NPR3: variants seen among roughly 807,000 people sequenced by gnomAD.
NPR3 encodes the protein natriuretic peptide receptor 3.
NPR3 carries 34 observed loss-of-function variants against 54.5 expected under a neutral mutation model. That is an observed-to-expected ratio of 0.62 (90% confidence interval 0.47 to 0.83). The LOEUF is 0.83. Ranked by LOEUF, NPR3 falls within the 40% of genes least tolerant of loss-of-function variation. The pLI, the probability that NPR3 is intolerant of heterozygous loss-of-function variation, is 0.00. For missense variants in NPR3, 674 were observed against 720.8 expected (o/e 0.94, Z 0.74); for synonymous variants, 289 against 297.1 (o/e 0.97, Z 0.28).
At chr5:32,732,623 C>T (rs1287485482) in intron 2 of NPR3, among the ~76,000 whole-genome samples, 1 of 152,164 alleles carries the variant, frequency 6.6e-6, no homozygotes, top group Non-Finnish European at 1.5e-5. Context: ...TAGAAGCAGT[C>T]AACAGAATCA....
chr5:32,753,746 G>A (rs1314580958), intron 3 of NPR3, among the ~76,000 whole-genome samples: 1 of 151,000 alleles, frequency 6.6e-6, no homozygotes, highest in Non-Finnish European at 1.5e-5. Flanking sequence ...GGAAAAGGAA[G>A]GCTTAAAGTA....
chr5:32,692,665 C>T (rs1740422512), intron 1 of NPR3, among the ~76,000 whole-genome samples: 1 of 152,182 alleles, frequency 6.6e-6, no homozygotes, highest in Admixed American at 6.5e-5. Flanking sequence ...CTGGAATGTA[C>T]TTGCTGGAAA....
At chr5:32,757,512 G>C (rs982881227) in intron 3 of NPR3, among the ~76,000 whole-genome samples, 3 of 152,130 alleles carry the variant, frequency 2.0e-5, no homozygotes, top group African/African-American at 7.2e-5. Context: ...TGAGATGATG[G>C]GTTTTTCTAA....
chr5:32,720,871 A>G (rs1738820276), intron 1 of NPR3, among the ~76,000 whole-genome samples: 1 of 152,198 alleles, frequency 6.6e-6, no homozygotes, highest in Non-Finnish European at 1.5e-5. Flanking sequence ...ATACTTTCTA[A>G]GAGTTGTCCA....
At chr5:32,741,465 C>A (rs1740034227) in intron 3 of NPR3, among the ~76,000 whole-genome samples, 1 of 152,118 alleles carries the variant, frequency 6.6e-6, no homozygotes, top group South Asian at 2.1e-4. Flanking sequence ...TCTTGATTAT[C>A]TGTTATTCTG....
rs564216066 is a variant in NPR3 at position 32,741,279 on chromosome 5, A to G, written c.1059+2249A>G. ...CAAAAAATACAAAAATTAGCCAGGC[A>G]TGGTGGCATGCACTTGTAGTCCCAG... On this transcript the variant is annotated intron_variant, in intron 3 of 7. Transcript: ENST00000265074. 6.6e-5 allele frequency among the ~76,000 whole-genome samples: 10 copies of G among 152,200 alleles called. No homozygotes were observed. In the East Asian group the frequency reaches 9.7e-4, roughly 15 times the overall value.
intron 3 of NPR3, among the ~76,000 whole-genome samples, chr5:32,759,487 C>T (rs149070170): frequency 0.042 from 6,340 of 152,042 alleles, 147 homozygotes; most frequent in Non-Finnish European, 0.051. Flanking sequence ...TTATTTTGAG[C>T]GTATGTGTGT....
chr5:32,790,219 T>C lies in NPR3; in HGVS notation c.*3874T>C. The C allele has an allele frequency of 5.9e-6, 1 of 170,566 alleles. No individual in the cohort carries two copies. 10.6% of individuals were successfully genotyped at this position (170,566 alleles called of 1,614,324 possible). ...CTTCTTTTTCAGTTGTCTTTAGAAC[T>C]CAAGAATAATCAATAATTTAGTGCC... is the stretch of plus-strand genomic sequence containing the variant. On this transcript the variant is annotated 3_prime_UTR_variant, in exon 8 of 8. Transcript: ENST00000265074.
chr5:32,746,743 T>G (rs999180322), intron 3 of NPR3, among the ~76,000 whole-genome samples: 2 of 152,208 alleles, frequency 1.3e-5, no homozygotes, highest in African/African-American at 4.8e-5. Context: ...GGGAGACAGA[T>G]TTTCCTCTCA....
intron 3 of NPR3, among the ~76,000 whole-genome samples, chr5:32,750,784 C>T (rs547701082): frequency 1.3e-5 from 2 of 152,318 alleles, no homozygotes; most frequent in South Asian, 4.1e-4. Context: ...TGCTTTTCTT[C>T]ATTTACTAAC....
rs370407690 is a variant in NPR3 at position 32,780,685 on chromosome 5, G to A, written c.1196-37G>A. The stretch of plus-strand genomic sequence containing the variant: ...TTGTTGGCAGACAGAGGTATTTTAA[G>A]TAACCAACGTTGAGTTCTTCGCTTC... On this transcript the variant is annotated intron_variant, in intron 4 of 7. Coordinates refer to ENST00000265074, the MANE Select transcript of NPR3 (RefSeq NM_001204375.2). 700 of 924,438 alleles carry A rather than the reference G, an allele frequency of 7.6e-4. 2 individuals are homozygous for A. The highest frequency in any genetic ancestry group is 1.0e-3 in the Non-Finnish European group (570 of 549,862). 57.3% of individuals were successfully genotyped at this position (924,438 alleles called of 1,614,324 possible).
In NPR3 at chr5:32,789,567, C is replaced by T. The variant is rs772517658; in HGVS notation, c.*3222C>T. The T allele has an allele frequency of 1.9e-6, 1 of 534,734 alleles. No homozygotes were observed. Among genetic ancestry groups the T allele is most frequent in the Non-Finnish European group, 3.8e-6 (1 of 260,078 alleles). The allele number at this position is 534,734 out of a possible 1,614,324, so 33.1% of individuals were successfully genotyped here. ...GCATGGGAAAAGAACACCTCCTTTTCTCCTTTCTCTTAAATTCAAAGACGT... is the reference window on the plus strand; with the variant it reads ...GCATGGGAAAAGAACACCTCCTTTTTTCCTTTCTCTTAAATTCAAAGACGT... On this transcript the variant is annotated 3_prime_UTR_variant, in exon 8 of 8. Transcript: ENST00000265074.
intron 3 of NPR3, among the ~76,000 whole-genome samples, chr5:32,746,295 G>A (rs1474649482): frequency 1.3e-5 from 2 of 152,170 alleles, no homozygotes; most frequent in Admixed American, 6.5e-5. Flanking sequence ...AAAATGTTGT[G>A]TGTAAGTGCA....
At chr5:32,768,638 A>G (rs1741598158) in intron 3 of NPR3, among the ~76,000 whole-genome samples, 1 of 152,034 alleles carries the variant, frequency 6.6e-6, no homozygotes, top group African/African-American at 2.4e-5. Context: ...CCCTAACTCT[A>G]CCTAATGATC....
chr5:32,729,375 C>T (rs1463546263), intron 2 of NPR3, among the ~76,000 whole-genome samples: 1 of 151,942 alleles, frequency 6.6e-6, no homozygotes, highest in Non-Finnish European at 1.5e-5. Flanking sequence ...GGAATTTTTC[C>T]ACTTGTGGTG....
chr5:32,719,276 A>G (rs1337906131), intron 1 of NPR3, among the ~76,000 whole-genome samples: 1 of 152,126 alleles, frequency 6.6e-6, no homozygotes, highest in Admixed American at 6.5e-5. Context: ...CTGTTGAGCT[A>G]GATCCCTGTG....
Position 32,745,655 on chromosome 5 carries a change from G to C in NPR3, c.1059+6625G>C, listed in dbSNP as rs1305514631. On this transcript the variant is annotated intron_variant, in intron 3 of 7. Coordinates refer to ENST00000265074, the MANE Select transcript of NPR3 (RefSeq NM_001204375.2). ...TGTCTCAGGCTCTACACGTGAGCCT[G>C]GCAGCAACACAGGCTGAAGTATTTC... is the stretch of plus-strand genomic sequence containing the variant. Among the ~76,000 whole-genome samples the C allele has an allele frequency of 2.6e-5, 4 of 152,144 alleles. No individual in the cohort carries two copies. The East Asian group carries it at 5.8e-4, about 22-fold the overall frequency.
At chr5:32,696,776 C>G (rs1740542582) in intron 1 of NPR3, among the ~76,000 whole-genome samples, 1 of 151,934 alleles carries the variant, frequency 6.6e-6, no homozygotes, top group African/African-American at 2.4e-5. Context: ...CGGGATTACT[C>G]TCTTGATTTC....
intron 2 of NPR3, among the ~76,000 whole-genome samples, chr5:32,728,851 AT>A (rs1739289652): frequency 8.4e-6 from 1 of 119,452 alleles, no homozygotes; most frequent in Non-Finnish European, 1.7e-5. Flanking sequence ...ATATATATAT[AT>A]ATATATATAT....
Sources: allele counts gnomAD v4.1 joint callset (sites outside exome capture counted in the v4.1 genomes callset), GRCh38; gene constraint gnomAD v4.1.1; transcripts MANE v1.5; gene names NCBI Gene and HGNC (gene_info 2026-07-23, HGNC 2026-07-21).